The following NXPH1 variants were observed in gnomAD, a reference collection of about 807,000 sequenced individuals.
NXPH1 encodes the protein neurexophilin-1.
A neutral mutation model predicts 23.7 loss-of-function variants in NXPH1; 5 were observed. That is an observed-to-expected ratio of 0.21 (90% CI 0.11 to 0.44). NXPH1 has a LOEUF of 0.44. NXPH1 is among the 20% of genes least tolerant of loss of function. NXPH1 has a pLI of 0.99. For missense variants in NXPH1, 324 were observed against 321.6 expected, an observed-to-expected ratio of 1.01 and a Z score of -0.06; for synonymous variants, 144 against 122.2, an observed-to-expected ratio of 1.18 and a Z score of -1.18.
At chr7:8,731,927 C>A (rs1338106634) in intron 2 of NXPH1, among the ~76,000 whole-genome samples, 2 of 152,202 alleles carry the variant, frequency 1.3e-5, no homozygotes, top group East Asian at 3.9e-4. Flanking sequence ...ATGGCGGGCG[C>A]CCCTCCCCCG....
intron 2 of NXPH1, among the ~76,000 whole-genome samples, chr7:8,541,767 A>G (rs1249552172): frequency 3.3e-5 from 5 of 151,664 alleles, no homozygotes; most frequent in South Asian, 2.1e-4. Flanking sequence ...AGGTTTTTAT[A>G]CTATATATAA....
chr7:8,666,408 T>C (rs1820767414), intron 2 of NXPH1, among the ~76,000 whole-genome samples: 1 of 152,036 alleles, frequency 6.6e-6, no homozygotes, highest in Admixed American at 6.6e-5. Flanking sequence ...TAAGAAATCC[T>C]TTTAATATGC....
At chr7:8,492,797 A>C (rs1817271261) in intron 2 of NXPH1, among the ~76,000 whole-genome samples, 1 of 152,004 alleles carries the variant, frequency 6.6e-6, no homozygotes, top group South Asian at 2.1e-4. Flanking sequence ...TTGTTCTGAA[A>C]CTGCACAATG....
chr7:8,552,749 A>G (rs1030412050), intron 2 of NXPH1, among the ~76,000 whole-genome samples: 2 of 151,530 alleles, frequency 1.3e-5, no homozygotes, highest in African/African-American at 2.4e-5. Flanking sequence ...CACTGTATTT[A>G]TTTCCACAAT....
At chr7:8,448,884 G>A (rs188076428) in intron 2 of NXPH1, among the ~76,000 whole-genome samples, 4 of 149,566 alleles carry the variant, frequency 2.7e-5, no homozygotes, top group African/African-American at 7.4e-5. Context: ...TGGAAATGAA[G>A]AGACAAGTCA....
At chr7:8,660,588 C>G (rs902251750) in intron 2 of NXPH1, among the ~76,000 whole-genome samples, 1 of 152,068 alleles carries the variant, frequency 6.6e-6, no homozygotes, top group Non-Finnish European at 1.5e-5. Context: ...CATCTGAGGA[C>G]AGGAAATGTA....
At chr7:8,581,778 T>C (rs866904143) in intron 2 of NXPH1, among the ~76,000 whole-genome samples, 30 of 152,224 alleles carry the variant, frequency 2.0e-4, no homozygotes, top group African/African-American at 6.7e-4. Flanking sequence ...GATATTCAGC[T>C]TATTTGGGAG....
At chr7:8,715,294 C>T (rs1300828204) in intron 2 of NXPH1, among the ~76,000 whole-genome samples, 1 of 152,088 alleles carries the variant, frequency 6.6e-6, no homozygotes, top group Non-Finnish European at 1.5e-5. Flanking sequence ...ACATGGCGAA[C>T]TGCTGTGAGG....
intron 2 of NXPH1, among the ~76,000 whole-genome samples, chr7:8,478,017 C>G (rs1817006569): frequency 6.6e-6 from 1 of 152,026 alleles, no homozygotes; most frequent in African/African-American, 2.4e-5. Flanking sequence ...CATTGCTACA[C>G]TTATAGTAGG....
chr7:8,468,537 T>C (rs1816820623), intron 2 of NXPH1, among the ~76,000 whole-genome samples: 1 of 152,112 alleles, frequency 6.6e-6, no homozygotes, highest in Admixed American at 6.6e-5. Context: ...TAATCAAAGA[T>C]AATATCCCAT....
At chr7:8,728,481 T>C (rs940471872) in intron 2 of NXPH1, among the ~76,000 whole-genome samples, 1 of 152,196 alleles carries the variant, frequency 6.6e-6, no homozygotes, top group African/African-American at 2.4e-5. Context: ...GGGTTTGTCA[T>C]AGATAGCTTT....
At chr7:8,462,438 G>C (rs4725095) in intron 2 of NXPH1, among the ~76,000 whole-genome samples, 57,184 of 152,102 alleles carry the variant, frequency 0.38, 11,267 homozygotes, top group East Asian at 0.63. Flanking sequence ...CTAGATAACA[G>C]CTCCCTGGTA....
intron 2 of NXPH1, among the ~76,000 whole-genome samples, chr7:8,672,349 T>A (rs1399820438): frequency 6.6e-6 from 1 of 152,046 alleles, no homozygotes; most frequent in East Asian, 1.9e-4. Flanking sequence ...AGGGATAGCA[T>A]TAGGAGATAT....
intron 2 of NXPH1, among the ~76,000 whole-genome samples, chr7:8,464,347 C>T (rs530759237): frequency 2.0e-5 from 3 of 152,260 alleles, no homozygotes; most frequent in East Asian, 3.9e-4. Context: ...AACAAAGATG[C>T]TAGTATGCAT....
At chr7:8,512,258 G>A (rs1370209927) in intron 2 of NXPH1, among the ~76,000 whole-genome samples, 1 of 152,166 alleles carries the variant, frequency 6.6e-6, no homozygotes, top group Admixed American at 6.5e-5. Context: ...TCAGTGGTTG[G>A]AAGGGGTTAT....
At chr7:8,441,423 G>C (rs1407866517) in intron 2 of NXPH1, among the ~76,000 whole-genome samples, 1 of 152,146 alleles carries the variant, frequency 6.6e-6, no homozygotes, top group Non-Finnish European at 1.5e-5. Context: ...TTCTGCCTCA[G>C]ATTGGCATGT....
chr7:8,637,040 C>T (rs58903430), intron 2 of NXPH1, among the ~76,000 whole-genome samples: 7,880 of 152,168 alleles, frequency 0.052, 419 homozygotes, highest in East Asian at 0.17. Context: ...GTACAAAAAT[C>T]CTTTTGTGTA....
At chr7:8,732,000 G>A (rs931402220) in intron 2 of NXPH1, among the ~76,000 whole-genome samples, 8 of 152,220 alleles carry the variant, frequency 5.3e-5, no homozygotes, top group Non-Finnish European at 8.8e-5. Flanking sequence ...AAGACTCCGC[G>A]GGCATAGGAC....
chr7:8,661,899 C>A (rs1273367993), intron 2 of NXPH1, among the ~76,000 whole-genome samples: 1 of 151,852 alleles, frequency 6.6e-6, no homozygotes, highest in South Asian at 2.1e-4. Flanking sequence ...AGAAAACTTA[C>A]AAGTATTTGA....
Sources: gnomAD v4.1 joint callset for allele counts (sites outside exome capture counted in the v4.1 genomes callset) on GRCh38, gnomAD v4.1.1 for gene constraint, MANE v1.5 for transcripts, NCBI Gene and HGNC (gene_info 2026-07-23, HGNC 2026-07-21) for gene names.